Variants in PTPRA observed in about 807,000 individuals in gnomAD.
PTPRA encodes the protein protein tyrosine phosphatase receptor type A.
Under a neutral mutation model 104.8 loss-of-function variants are expected in PTPRA, and 25 were observed. The ratio of observed to expected loss-of-function variants is 0.24; its 90% CI spans 0.17 to 0.33. The LOEUF is 0.33. PTPRA is among the 10% of genes least tolerant of loss of function. The pLI, the probability that PTPRA is intolerant of heterozygous loss-of-function variation, is 1.00. For synonymous variants in PTPRA, 323 were observed against 368.9 expected (o/e 0.88, Z 1.43); for missense variants, 765 against 1,015.3 (o/e 0.75, Z 3.35).
chr20:3,027,861 G>A lies in PTPRA; in HGVS notation c.1920+20G>A, dbSNP rs1209912961. The A allele has an allele frequency of 5.0e-6, 8 of 1,612,400 alleles. No homozygotes were observed. Among genetic ancestry groups the A allele is most frequent in the Non-Finnish European group, 5.1e-6 (6 of 1,179,260 alleles). On this transcript the variant is annotated intron_variant, in intron 20 of 23. Transcript: ENST00000399903. ...GGCCAGGTGAGTTCAAAAGGTCCTG[G>A]GTGGTGAGAGACAGAGACAGCATGA...
chr20:2,871,345 C>T (rs138110743), upstream of PTPRA, among the ~76,000 whole-genome samples: 14 of 152,222 alleles, frequency 9.2e-5, no homozygotes, highest in Non-Finnish European at 1.5e-4. Flanking sequence ...CTGGAAACCC[C>T]GGGCTCTTTG....
Position 3,022,517 on chromosome 20 carries a change from G to A in PTPRA, c.1329-172G>A, listed in dbSNP as rs1448925112. Among the ~76,000 whole-genome samples, 1 of 152,180 alleles carries A rather than the reference G, an allele frequency of 6.6e-6. No individual in the cohort carries two copies. Among genetic ancestry groups the A allele is most frequent in the African/African-American group, 2.4e-5 (1 of 41,442 alleles). On this transcript the variant is annotated intron_variant, in intron 15 of 23. Coordinates refer to ENST00000399903, the MANE Select transcript of PTPRA (RefSeq NM_001385305.1). This position sits in a 1 kb window ranked among gnomAD's most constrained non-coding sequence, Gnocchi z 4.6. The stretch of plus-strand genomic sequence containing the variant: ...AGCCTTCGGACCCTTCTAGCTGGAG[G>A]TCAGGATTCAGGACATACTGGAGTT...
At chr20:2,928,119 T>TG (rs2060373530) in intron 2 of PTPRA, among the ~76,000 whole-genome samples, 1 of 151,876 alleles carries the variant, frequency 6.6e-6, no homozygotes, top group Non-Finnish European at 1.5e-5. Flanking sequence ...GTATCCGTTT[T>TG]TTGTTGTTGT....
chr20:2,955,817 C>T (rs2061516182), intron 3 of PTPRA: 4 of 379,444 alleles, frequency 1.1e-5, no homozygotes, highest in Non-Finnish European at 1.4e-5. Context: ...GTCTTCTTCC[C>T]TTTTTTTGGC....
intron 6 of PTPRA, among the ~76,000 whole-genome samples, chr20:2,982,986 C>T (rs2062751395): frequency 6.6e-6 from 1 of 152,192 alleles, no homozygotes. Flanking sequence ...GCGTGAGCCA[C>T]TGTGCCTGGC....
chr20:2,963,510 C>T (rs1302631701), intron 3 of PTPRA, among the ~76,000 whole-genome samples: 2 of 151,944 alleles, frequency 1.3e-5, no homozygotes, highest in African/African-American at 4.8e-5. Context: ...AGGAGAATTG[C>T]TTGAACCCGG....
chr20:3,038,206 C>G lies in PTPRA; in HGVS notation c.*73C>G. 1 of 1,392,156 alleles carries G rather than the reference C, an allele frequency of 7.2e-7. No homozygotes were observed. The highest frequency in any genetic ancestry group is 1.2e-5 in the South Asian group (1 of 84,324). 86.2% of individuals were successfully genotyped at this position (1,392,156 alleles called of 1,614,324 possible). On this transcript the variant is annotated 3_prime_UTR_variant, in exon 24 of 24. Coordinates refer to ENST00000399903, the MANE Select transcript of PTPRA (RefSeq NM_001385305.1). ...TAATATTCTGTTTTGTTAATATACC[C>G]CAAATTGTGTATATATCTTATAACT...
chr20:2,964,762 A>C (rs528973609), intron 4 of PTPRA, 99 bp from the exon 5 acceptor site: 1 of 1,085,068 alleles, frequency 9.2e-7, no homozygotes, highest in Non-Finnish European at 1.3e-6. Context: ...CTTGGTCTCC[A>C]TATGTTTGAG....
intron 3 of PTPRA, among the ~76,000 whole-genome samples, chr20:2,962,496 A>G (rs1352354501): frequency 6.6e-6 from 1 of 152,154 alleles, no homozygotes. Context: ...ACCATTTTCT[A>G]TTAATTTATC....
chr20:3,019,224 C>T (rs537058080), intron 13 of PTPRA, among the ~76,000 whole-genome samples: 56 of 144,894 alleles, frequency 3.9e-4, no homozygotes, highest in Non-Finnish European at 6.3e-4. Flanking sequence ...ACCTCCCTCC[C>T]GGACGGGGCG....
chr20:2,915,520 C>T (rs1275634496), intron 1 of PTPRA, among the ~76,000 whole-genome samples: 4 of 151,762 alleles, frequency 2.6e-5, no homozygotes, highest in Non-Finnish European at 5.9e-5. Flanking sequence ...AGACCCTTAT[C>T]AGATACATGA....
intron 1 of PTPRA, among the ~76,000 whole-genome samples, chr20:2,876,755 C>T (rs762180377): frequency 9.2e-5 from 14 of 152,208 alleles, no homozygotes; most frequent in Non-Finnish European, 1.8e-4. Context: ...TGGAGCCAAA[C>T]TGCCACCCGT....
At chr20:2,923,691 C>T (rs933185099) in intron 2 of PTPRA, among the ~76,000 whole-genome samples, 4 of 151,982 alleles carry the variant, frequency 2.6e-5, no homozygotes, top group African/African-American at 7.3e-5. Flanking sequence ...CCCAGCTACT[C>T]GGGAGGCTGA....
intron 1 of PTPRA, among the ~76,000 whole-genome samples, chr20:2,893,940 A>G (rs1013503752): frequency 1.3e-5 from 2 of 152,120 alleles, no homozygotes; most frequent in Non-Finnish European, 2.9e-5. Context: ...TAAGCATTCT[A>G]CTAGAACTAA....
Position 3,022,033 on chromosome 20 carries a change from C to T in PTPRA, c.1162-21C>T. 1 of 1,613,720 alleles carries T rather than the reference C, an allele frequency of 6.2e-7. No individual in the cohort carries two copies. The highest frequency in any genetic ancestry group is 8.5e-7 in the Non-Finnish European group (1 of 1,179,708). ...ACCCTTGGGTATCAGGGCCAACACA[C>T]AGGATCTCCTCACTTCACAGGTGGG... On this transcript the variant is annotated intron_variant, in intron 14 of 23. Coordinates refer to ENST00000399903, the MANE Select transcript of PTPRA (RefSeq NM_001385305.1). This position sits in a 1 kb window ranked among gnomAD's most constrained non-coding sequence, Gnocchi z 4.6.
At chr20:2,894,803 G>A (rs908372102) in intron 1 of PTPRA, among the ~76,000 whole-genome samples, 3 of 151,870 alleles carry the variant, frequency 2.0e-5, no homozygotes, top group African/African-American at 4.8e-5. Context: ...TGGCTAACAC[G>A]GTGAAACCCC....
chr20:2,884,134 G>C (rs977618827), intron 1 of PTPRA, among the ~76,000 whole-genome samples: 1 of 151,984 alleles, frequency 6.6e-6, no homozygotes, highest in Non-Finnish European at 1.5e-5. Context: ...TGGCTAACTG[G>C]TTCATCAATT....
At chr20:2,922,444 A>G (rs2060129966) in intron 1 of PTPRA, among the ~76,000 whole-genome samples, 1 of 152,032 alleles carries the variant, frequency 6.6e-6, no homozygotes, top group Non-Finnish European at 1.5e-5. Context: ...GGTTCAAGCA[A>G]TTCTCCTGCC....
chr20:2,986,960 A>C (rs914036780), intron 7 of PTPRA, 111 bp downstream of exon 7: 52 of 967,140 alleles, frequency 5.4e-5, no homozygotes, highest in Non-Finnish European at 8.0e-5. Flanking sequence ...AATAGGATAG[A>C]GGGGGAATGA....
Sources: allele counts gnomAD v4.1 joint callset (sites outside exome capture counted in the v4.1 genomes callset), GRCh38; gene constraint gnomAD v4.1.1; non-coding constraint Gnocchi (gnomAD v3.1); transcripts MANE v1.5; gene names NCBI Gene and HGNC (gene_info 2026-07-23, HGNC 2026-07-21).